SP4: variants seen among roughly 807,000 people sequenced by gnomAD.
SP4 encodes the protein transcription factor Sp4.
SP4 carries 19 observed loss-of-function variants against 72.8 expected under a neutral mutation model. The ratio of observed to expected loss-of-function variants is 0.26; its 90% CI spans 0.18 to 0.38. The LOEUF is 0.38. Ranked by LOEUF, SP4 falls within the 10% of genes least tolerant of loss-of-function variation. SP4 has a pLI of 1.00. For synonymous variants in SP4, 395 were observed against 333.1 expected (o/e 1.19, Z -2.02); for missense variants, 1,008 against 926.3 (o/e 1.09, Z -1.14).
intron 3 of SP4, among the ~76,000 whole-genome samples, chr7:21,435,906 T>G (rs1322724245): frequency 6.6e-6 from 1 of 152,056 alleles, no homozygotes; most frequent in Non-Finnish European, 1.5e-5. Context: ...TAGAGTTTTT[T>G]GTTTGTTTGC....
chr7:21,447,265 C>T (rs1417254065), intron 3 of SP4, among the ~76,000 whole-genome samples: 1 of 152,186 alleles, frequency 6.6e-6, no homozygotes, highest in African/African-American at 2.4e-5. Context: ...ACCTCCTAAC[C>T]TTTCCAAAAC....
chr7:21,507,823 T>C (rs767149226), intron 5 of SP4, among the ~76,000 whole-genome samples: 57 of 151,800 alleles, frequency 3.8e-4, no homozygotes, highest in Non-Finnish European at 7.4e-4. Flanking sequence ...CTACTGGAGG[T>C]TTCTTGCACA....
At chr7:21,481,051 C>T (rs1784670796) in intron 4 of SP4, among the ~76,000 whole-genome samples, 1 of 152,174 alleles carries the variant, frequency 6.6e-6, no homozygotes, top group Non-Finnish European at 1.5e-5. Context: ...CTCAACTGGC[C>T]TCTCCTGGCT....
rs112967361 is a variant in SP4 at position 21,460,517 on chromosome 7, A to C, written c.1679-16562A>C. 1.8e-3 allele frequency among the ~76,000 whole-genome samples: 276 copies of C among 152,346 alleles called. 2 individuals are homozygous for C. The highest frequency in any genetic ancestry group is 5.2e-3 in the South Asian group (25 of 4,826). Reference sequence around the variant, plus strand: ...AGCAGCAAGATTTATTGCGAAGAGCAAAAGAACAAAGCTTCCACAGTATGG... The same window carrying C: ...AGCAGCAAGATTTATTGCGAAGAGCCAAAGAACAAAGCTTCCACAGTATGG... On this transcript the variant is annotated intron_variant, in intron 3 of 5. Transcript: ENST00000222584.
chr7:21,462,719 T>G (rs1784035179), intron 3 of SP4, among the ~76,000 whole-genome samples: 1 of 152,218 alleles, frequency 6.6e-6, no homozygotes, highest in Non-Finnish European at 1.5e-5. Flanking sequence ...GAACTGAACT[T>G]AGGGTTACAC....
At chr7:21,476,273 CAAAAAAAAAA>C (rs753166936) in intron 3 of SP4, among the ~76,000 whole-genome samples, 7 of 49,656 alleles carry the variant, frequency 1.4e-4, no homozygotes, top group African/African-American at 3.9e-4. Flanking sequence ...GACTCCATCT[CAAAAAAAAAA>C]AAAAAAAAAA....
Position 21,511,492 on chromosome 7 carries a change from A to G in SP4, c.*223A>G, listed in dbSNP as rs1032051317. Reference sequence around the variant, plus strand: ...AACAGAAAAGTATTTCCTCCATACTATAAGTTGTAGTTGTTTGGAAATATA... The same window carrying G: ...AACAGAAAAGTATTTCCTCCATACTGTAAGTTGTAGTTGTTTGGAAATATA... On this transcript the variant is annotated 3_prime_UTR_variant, in exon 6 of 6. Coordinates refer to ENST00000222584, the MANE Select transcript of SP4 (RefSeq NM_003112.5). 1.4e-5 allele frequency: 7 copies of G among 502,790 alleles called. No individual in the cohort carries two copies. In the South Asian group the frequency reaches 1.6e-4, roughly 12 times the overall value. 31.1% of individuals were successfully genotyped at this position (502,790 alleles called of 1,614,324 possible).
At chr7:21,457,684 A>T (rs914012267) in intron 3 of SP4, among the ~76,000 whole-genome samples, 3 of 152,182 alleles carry the variant, frequency 2.0e-5, no homozygotes, top group Admixed American at 2.0e-4. Flanking sequence ...CCAACAACAT[A>T]GCAATATAAA....
chr7:21,439,913 C>A (rs1415324451), intron 3 of SP4, among the ~76,000 whole-genome samples: 1 of 152,068 alleles, frequency 6.6e-6, no homozygotes, highest in Non-Finnish European at 1.5e-5. Flanking sequence ...AAAAATATGT[C>A]TCTCTGTATG....
chr7:21,510,696 G>C (rs1448756357), intron 5 of SP4, among the ~76,000 whole-genome samples: 1 of 152,306 alleles, frequency 6.6e-6, no homozygotes, highest in East Asian at 1.9e-4. Flanking sequence ...TGTTACATCT[G>C]ATAGAGATAT....
At chr7:21,464,734 C>T (rs1784114808) in intron 3 of SP4, among the ~76,000 whole-genome samples, 1 of 152,064 alleles carries the variant, frequency 6.6e-6, no homozygotes, top group Non-Finnish European at 1.5e-5. Flanking sequence ...CCTTCATAGG[C>T]TTCCAATTGC....
intron 5 of SP4, among the ~76,000 whole-genome samples, chr7:21,490,991 C>T (rs1377425380): frequency 6.6e-6 from 1 of 152,150 alleles, no homozygotes; most frequent in Non-Finnish European, 1.5e-5. Context: ...AATATAATGT[C>T]CAAAATGTCC....
At chr7:21,476,736 A>G (rs908781938) in intron 3 of SP4, among the ~76,000 whole-genome samples, 2 of 152,176 alleles carry the variant, frequency 1.3e-5, no homozygotes, top group Admixed American at 6.5e-5. Context: ...TAGGATCTCA[A>G]AATGCTTTTA....
intron 3 of SP4, among the ~76,000 whole-genome samples, chr7:21,464,729 A>G (rs1425392761): frequency 1.3e-5 from 2 of 151,998 alleles, no homozygotes; most frequent in Admixed American, 1.3e-4. Flanking sequence ...CACAACCTTC[A>G]TAGGCTTCCA....
chr7:21,494,646 G>A (rs1471298185), intron 5 of SP4, among the ~76,000 whole-genome samples: 1 of 152,198 alleles, frequency 6.6e-6, no homozygotes, highest in African/African-American at 2.4e-5. Flanking sequence ...CATTAATGCA[G>A]AGATACACAT....
rs181347915 is a variant in SP4, at chr7:21,494,496, G to A, written c.2107+12373G>A. On this transcript the variant is annotated intron_variant, in intron 5 of 5. Coordinates refer to ENST00000222584, the MANE Select transcript of SP4 (RefSeq NM_003112.5). ...TCTACATCCTAGCAGTGAATAACGG[G>A]ATATAAGTAGTTTATAAAAAGAGTG... Among the ~76,000 whole-genome samples the A allele has an allele frequency of 8.4e-3, 1,272 of 152,284 alleles. 9 individuals carry two copies. The highest frequency in any genetic ancestry group is 0.011 in the Non-Finnish European group (736 of 68,004).
chr7:21,476,603 A>C (rs1784508207), intron 3 of SP4, among the ~76,000 whole-genome samples: 1 of 152,214 alleles, frequency 6.6e-6, no homozygotes, highest in Non-Finnish European at 1.5e-5. Flanking sequence ...TTAGGAATGC[A>C]AGATGTCCAT....
At chr7:21,488,479 C>CTTTTTTTTTTTT (rs59893862) in intron 5 of SP4, among the ~76,000 whole-genome samples, 3 of 133,242 alleles carry the variant, frequency 2.3e-5, no homozygotes, top group East Asian at 2.2e-4. Context: ...ACTTCCTTTC[C>CTTTTTTTTTTTT]TTTTTTTTTT....
intron 5 of SP4, among the ~76,000 whole-genome samples, chr7:21,502,207 A>T (rs948129517): frequency 6.6e-6 from 1 of 152,168 alleles, no homozygotes; most frequent in Non-Finnish European, 1.5e-5. Flanking sequence ...GTCCAATTGG[A>T]CGGTAACAAC....
Sources: allele counts gnomAD v4.1 joint callset (sites outside exome capture counted in the v4.1 genomes callset), GRCh38; gene constraint gnomAD v4.1.1; transcripts MANE v1.5; gene names NCBI Gene and HGNC (gene_info 2026-07-23, HGNC 2026-07-21).